Variants in CNTNAP5 observed in about 807,000 individuals in gnomAD.
CNTNAP5 encodes contactin-associated protein-like 5.
A neutral mutation model predicts 150.2 loss-of-function variants in CNTNAP5; 72 were observed. That is an observed-to-expected ratio of 0.48 (90% CI 0.40 to 0.58). CNTNAP5 has a LOEUF of 0.58. Among genes scored for constraint, CNTNAP5 ranks in the 20% least tolerant of loss-of-function variants. CNTNAP5 has a pLI of 0.00. For synonymous variants in CNTNAP5, 672 were observed against 619.8 expected (o/e 1.08, Z -1.25); for missense variants, 1,636 against 1,626.2 (o/e 1.01, Z -0.10).
intron 3 of CNTNAP5, among the ~76,000 whole-genome samples, chr2:124,301,127 A>G (rs1462781486): frequency 3.3e-5 from 5 of 152,184 alleles, no homozygotes; most frequent in Non-Finnish European, 7.3e-5. Flanking sequence ...CTTTACAAAG[A>G]TGTTGATCTG....
chr2:124,184,613 C>G (rs1317533979), intron 1 of CNTNAP5, among the ~76,000 whole-genome samples: 1 of 152,080 alleles, frequency 6.6e-6, no homozygotes, highest in Non-Finnish European at 1.5e-5. Flanking sequence ...GCAGAAAGGC[C>G]GATTCAAGGG....
chr2:124,655,738 A>C (rs1004587221), intron 13 of CNTNAP5, among the ~76,000 whole-genome samples: 1 of 151,666 alleles, frequency 6.6e-6, no homozygotes, highest in African/African-American at 2.4e-5. Flanking sequence ...ACCCTACAAA[A>C]GATATTTAAA....
chr2:124,710,541 A>G (rs2105102807), intron 13 of CNTNAP5, among the ~76,000 whole-genome samples: 1 of 152,226 alleles, frequency 6.6e-6, no homozygotes, highest in South Asian at 2.1e-4. Flanking sequence ...CCATCAGTCA[A>G]TCCACCACTC....
intron 1 of CNTNAP5, among the ~76,000 whole-genome samples, chr2:124,183,806 C>A (rs188345512): frequency 6.6e-6 from 1 of 152,280 alleles, no homozygotes; most frequent in East Asian, 1.9e-4. Flanking sequence ...AACGTCCACC[C>A]ACTCAAGGTT....
At chr2:124,080,007 T>C (rs1338932344) in intron 1 of CNTNAP5, among the ~76,000 whole-genome samples, 1 of 152,236 alleles carries the variant, frequency 6.6e-6, no homozygotes, top group Non-Finnish European at 1.5e-5. Flanking sequence ...ACTCAGTCAT[T>C]GTTACTTTTC....
At chr2:124,696,426 C>G (rs536676335) in intron 13 of CNTNAP5, among the ~76,000 whole-genome samples, 9 of 152,210 alleles carry the variant, frequency 5.9e-5, no homozygotes, top group African/African-American at 2.2e-4. Context: ...CTTAGTTTTA[C>G]TTATCTTTTC....
Position 124,510,348 on chromosome 2 carries a change from A to AACACACACACACACAC in CNTNAP5, c.1327+5818_1327+5833dup, listed in dbSNP as rs3039130. On this transcript the variant is annotated intron_variant, in intron 8 of 23. Transcript: ENST00000682447. ...ATCTATATATATATCTCCATATGTCAACACACACACACACACACACACACA... is the reference window on the plus strand; with the variant it reads ...ATCTATATATATATCTCCATATGTCAACACACACACACACACACACACACACACACACACACACACA... Among the ~76,000 whole-genome samples the AACACACACACACACAC allele has an allele frequency of 1.6e-3, 112 of 68,276 alleles. 4 individuals carry two copies. The highest frequency in any genetic ancestry group is 3.5e-3 in the African/African-American group (57 of 16,138). 44.8% of individuals were successfully genotyped at this position (68,276 alleles called of 152,430 possible).
intron 19 of CNTNAP5, among the ~76,000 whole-genome samples, chr2:124,852,523 A>T (rs1461860385): frequency 6.6e-6 from 1 of 152,216 alleles, no homozygotes; most frequent in African/African-American, 2.4e-5. Flanking sequence ...AGGGAATATG[A>T]TATAGTTTCT....
chr2:124,626,721 C>T (rs1304834606), intron 12 of CNTNAP5, among the ~76,000 whole-genome samples: 1 of 152,136 alleles, frequency 6.6e-6, no homozygotes, highest in Non-Finnish European at 1.5e-5. Flanking sequence ...AGTCCACTCC[C>T]CTGGAAAGGG....
chr2:124,376,451 T>C (rs191735579), intron 3 of CNTNAP5, among the ~76,000 whole-genome samples: 180 of 152,136 alleles, frequency 1.2e-3, no homozygotes, highest in African/African-American at 4.1e-3. Context: ...GAATAGAAGG[T>C]CTCTGAGATC....
intron 18 of CNTNAP5, among the ~76,000 whole-genome samples, chr2:124,791,076 A>G (rs1299711922): frequency 6.6e-6 from 1 of 152,252 alleles, no homozygotes; most frequent in Non-Finnish European, 1.5e-5. Context: ...ACAAACAATC[A>G]GAGCAATGAT....
Position 124,246,645 on chromosome 2 carries a change from A to C in CNTNAP5, c.381+4252A>C, listed in dbSNP as rs139701128. Among the ~76,000 whole-genome samples, 694 of 152,294 alleles carry C rather than the reference A, an allele frequency of 4.6e-3. 5 individuals carry two copies. Among genetic ancestry groups the C allele is most frequent in the African/African-American group, 0.016 (673 of 41,568 alleles). ...GTCCTGTTAACAGTCCTTTTGAAAG[A>C]TATGCCAGAAGAAACATGTACTGTT... On this transcript the variant is annotated intron_variant, in intron 3 of 23. Transcript: ENST00000682447.
chr2:124,382,234 A>G (rs1394760031), intron 3 of CNTNAP5, among the ~76,000 whole-genome samples: 18 of 152,116 alleles, frequency 1.2e-4, no homozygotes, highest in Non-Finnish European at 8.8e-5. Flanking sequence ...TGCACTGGAA[A>G]GAAGGTAGTC....
At chr2:124,607,638 C>T (rs1454616091) in intron 11 of CNTNAP5, among the ~76,000 whole-genome samples, 1 of 152,154 alleles carries the variant, frequency 6.6e-6, no homozygotes, top group Non-Finnish European at 1.5e-5. Flanking sequence ...GTCCACGCTT[C>T]CACAGGGAGA....
intron 11 of CNTNAP5, among the ~76,000 whole-genome samples, chr2:124,599,149 C>G (rs113923902): frequency 2.0e-5 from 3 of 152,120 alleles, no homozygotes; most frequent in African/African-American, 7.2e-5. Flanking sequence ...TGTTCCTATT[C>G]GGCCATCTTG....
chr2:124,456,827 A>G (rs138967493), intron 6 of CNTNAP5, among the ~76,000 whole-genome samples: 213 of 152,294 alleles, frequency 1.4e-3, no homozygotes, highest in African/African-American at 4.9e-3. Context: ...AGGTCACCCT[A>G]TTTAACAAAT....
chr2:124,748,428 C>G (rs959829582), intron 14 of CNTNAP5, among the ~76,000 whole-genome samples: 1 of 152,092 alleles, frequency 6.6e-6, no homozygotes, highest in Non-Finnish European at 1.5e-5. Flanking sequence ...TCCAGGTGAA[C>G]TGCTAGTTTT....
intron 13 of CNTNAP5, among the ~76,000 whole-genome samples, chr2:124,665,929 T>C (rs1285223722): frequency 2.0e-5 from 3 of 152,040 alleles, no homozygotes; most frequent in African/African-American, 7.2e-5. Context: ...CAGCATCCCA[T>C]TTAATGCTGC....
intron 11 of CNTNAP5, among the ~76,000 whole-genome samples, chr2:124,578,548 A>T (rs1451468816): frequency 6.6e-6 from 1 of 152,066 alleles, no homozygotes; most frequent in Non-Finnish European, 1.5e-5. Context: ...GAGGCGGTGG[A>T]TCACTTGAGC....
Sources: gnomAD v4.1 joint callset for allele counts (sites outside exome capture counted in the v4.1 genomes callset) on GRCh38, gnomAD v4.1.1 for gene constraint, MANE v1.5 for transcripts, NCBI Gene and HGNC (gene_info 2026-07-23, HGNC 2026-07-21) for gene names.